DNMBP: variants seen among roughly 807,000 people sequenced by gnomAD.
DNMBP encodes dynamin binding protein, also known as dynamin-binding protein.
Under a neutral mutation model 150.0 loss-of-function variants are expected in DNMBP, and 87 were observed. The observed-to-expected ratio is 0.58, with a 90% CI of 0.49 to 0.69. The LOEUF is 0.69. Ranked by LOEUF, DNMBP falls within the 30% of genes least tolerant of loss-of-function variation. The pLI, the probability that DNMBP is intolerant of heterozygous loss-of-function variation, is 0.00. For missense variants in DNMBP, 1,774 were observed against 1,949.0 expected, an observed-to-expected ratio of 0.91 and a Z score of 1.69; for synonymous variants, 711 against 750.4, an observed-to-expected ratio of 0.95 and a Z score of 0.86.
At position 99,990,822 on chromosome 10, in the gene DNMBP, T is replaced by TAC. The variant is rs1491098358; in HGVS notation, c.-10-18690_-10-18689dup. On this transcript the variant is annotated intron_variant, in intron 1 of 16. Coordinates refer to ENST00000324109, the MANE Select transcript of DNMBP (RefSeq NM_015221.4). ...ACACATATATACACATATATATATA[T>TAC]ACACATATACATATACACACACACA... Among the ~76,000 whole-genome samples the TAC allele has an allele frequency of 2.8e-4, 33 of 119,324 alleles. 1 individual carries two copies. The highest frequency in any genetic ancestry group is 4.9e-4 in the East Asian group (2 of 4,062). 78.3% of individuals were successfully genotyped at this position (119,324 alleles called of 152,430 possible).
chr10:99,891,388 C>G (rs916924361), intron 11 of DNMBP, among the ~76,000 whole-genome samples: 1 of 151,484 alleles, frequency 6.6e-6, no homozygotes, highest in Admixed American at 6.6e-5. Flanking sequence ...TTGGCCAGGC[C>G]GGTCTCCAGC....
At chr10:99,965,690 T>C (rs1319280430) in intron 3 of DNMBP, among the ~76,000 whole-genome samples, 2 of 151,988 alleles carry the variant, frequency 1.3e-5, no homozygotes, top group Non-Finnish European at 2.9e-5. Flanking sequence ...AAAGATGGGG[T>C]TTCACCATGT....
intron 4 of DNMBP, among the ~76,000 whole-genome samples, chr10:99,941,556 C>T (rs1033222609): frequency 4.6e-5 from 7 of 152,002 alleles, no homozygotes; most frequent in Non-Finnish European, 7.4e-5. Context: ...GCAACCTCCA[C>T]CTCCCAGATT....
At chr10:99,966,592 A>G (rs1463838015) in intron 3 of DNMBP, among the ~76,000 whole-genome samples, 2 of 152,196 alleles carry the variant, frequency 1.3e-5, no homozygotes, top group Non-Finnish European at 2.9e-5. Context: ...GATATGGACT[A>G]CAGACTCCAC....
intron 1 of DNMBP, among the ~76,000 whole-genome samples, chr10:99,995,837 T>C (rs1234492284): frequency 6.6e-6 from 1 of 152,270 alleles, no homozygotes; most frequent in Non-Finnish European, 1.5e-5. Flanking sequence ...AATAAACACG[T>C]CTGTCTTCAA....
Position 99,970,478 on chromosome 10 carries a change from T to C in DNMBP, c.146-1241A>G, listed in dbSNP as rs115551168. Among the ~76,000 whole-genome samples the C allele has an allele frequency of 8.5e-3, 1,288 of 152,242 alleles. 18 individuals are homozygous for C. Among genetic ancestry groups the C allele is most frequent in the Middle Eastern group, 0.044 (13 of 294 alleles). ...TAGGGTAAGGGATAACTTTAATAAA[T>C]TTGGGCCAGCCATGGATCCAAGAAG... On this transcript the variant is annotated intron_variant, in intron 2 of 16. Coordinates refer to ENST00000324109, the MANE Select transcript of DNMBP (RefSeq NM_015221.4).
intron 1 of DNMBP, among the ~76,000 whole-genome samples, chr10:99,978,537 CATAT>C (rs765561641): frequency 6.6e-6 from 1 of 152,148 alleles, no homozygotes; most frequent in Admixed American, 6.5e-5. Flanking sequence ...CAAACTCTGA[CATAT>C]ATATCTTAAC....
chr10:99,913,753 C>T lies in DNMBP; in HGVS notation c.2261-4607G>A, dbSNP rs11190318. Reference sequence around the variant, plus strand: ...TCGAAGGAAGGGAGTCATTAGCCCACGGCTTCCCACAACTCCATCACACAC... The same window carrying T: ...TCGAAGGAAGGGAGTCATTAGCCCATGGCTTCCCACAACTCCATCACACAC... On this transcript the variant is annotated intron_variant, in intron 4 of 16. Coordinates refer to ENST00000324109, the MANE Select transcript of DNMBP (RefSeq NM_015221.4). Among the ~76,000 whole-genome samples the T allele has an allele frequency of 4.3e-3, 662 of 152,290 alleles. 7 individuals are homozygous for T. The highest frequency in any genetic ancestry group is 0.015 in the African/African-American group (620 of 41,544).
intron 4 of DNMBP, among the ~76,000 whole-genome samples, chr10:99,914,681 CACA>C (rs960844277): frequency 6.6e-6 from 1 of 152,048 alleles, no homozygotes; most frequent in African/African-American, 2.4e-5. Flanking sequence ...AAGAAAGGCA[CACA>C]ACAATATGCC....
chr10:99,969,147 G>A lies in DNMBP; in HGVS notation c.236C>T (p.Ser79Phe). 1 of 1,614,070 alleles carries A rather than the reference G, an allele frequency of 6.2e-7. No individual in the cohort carries two copies. The highest frequency in any genetic ancestry group is 8.5e-7 in the Non-Finnish European group (1 of 1,179,982). Residue 79 changes from serine (S) to phenylalanine (F), a missense_variant, in exon 3 of 17, where the codon TCC becomes TTC. Ser to Phe is a radical substitution (Grantham distance 155). This residue lies in a region of DNMBP where 344 missense variants were observed against 456.6 expected (regional missense o/e 0.75). Coordinates refer to ENST00000324109, the MANE Select transcript of DNMBP (RefSeq NM_015221.4). ...RLFVCICEFT[S>F]QELDNLPLHR... ...GAGGGGAAGATTATCCAACTCTTGG[G>A]ATGTGAATTCACAAATGCACACAAA...
chr10:99,949,115 A>G (rs773141362), intron 4 of DNMBP, among the ~76,000 whole-genome samples: 4 of 152,172 alleles, frequency 2.6e-5, no homozygotes, highest in East Asian at 1.9e-4. Flanking sequence ...ACTGATTCCC[A>G]GGTCCCAAGT....
chr10:99,889,017 T>C (rs1010873984), intron 11 of DNMBP, 64 bp from the exon 12 acceptor site: 51 of 1,575,750 alleles, frequency 3.2e-5, no homozygotes, highest in Non-Finnish European at 4.3e-5. Context: ...TGTCATACAT[T>C]CCAAGACTGA....
intron 11 of DNMBP, among the ~76,000 whole-genome samples, chr10:99,890,725 C>A (rs2039543733): frequency 6.6e-6 from 1 of 152,204 alleles, no homozygotes; most frequent in Admixed American, 6.5e-5. Flanking sequence ...CAGCTCACTG[C>A]AACCTCCACC....
intron 16 of DNMBP, among the ~76,000 whole-genome samples, chr10:99,877,957 T>A (rs183185647): frequency 1.3e-5 from 2 of 152,090 alleles, no homozygotes; most frequent in Admixed American, 6.5e-5. Flanking sequence ...ACCCCATTTC[T>A]ACCAAAAACA....
At chr10:99,941,134 C>T (rs548196965) in intron 4 of DNMBP, among the ~76,000 whole-genome samples, 4 of 152,266 alleles carry the variant, frequency 2.6e-5, no homozygotes. Flanking sequence ...CTCCGCCCGC[C>T]TCGGCTTCCC....
chr10:99,913,858 G>A, intron 4 of DNMBP: 3 of 1,232,364 alleles, frequency 2.4e-6, no homozygotes, highest in Non-Finnish European at 3.1e-6. Context: ...GGAAAATTTT[G>A]AGCTCCCGGC....
chr10:99,897,477 G>C (rs2039672342), intron 9 of DNMBP, among the ~76,000 whole-genome samples: 1 of 152,186 alleles, frequency 6.6e-6, no homozygotes, highest in Non-Finnish European at 1.5e-5. Context: ...CCATAAATGA[G>C]GTGAGGAGGA....
At chr10:99,943,644 C>A (rs988534442) in intron 4 of DNMBP, among the ~76,000 whole-genome samples, 1 of 152,170 alleles carries the variant, frequency 6.6e-6, no homozygotes, top group Admixed American at 6.5e-5. Flanking sequence ...CTACCTTGGT[C>A]TCCCAAAGGG....
At chr10:99,929,736 A>G (rs771311144) in intron 4 of DNMBP, 12 of 702,730 alleles carry the variant, frequency 1.7e-5, no homozygotes, top group African/African-American at 1.0e-4. Flanking sequence ...TAAATGCCAG[A>G]TGTTCTTCTC....
Sources: gnomAD v4.1 joint callset for allele counts (sites outside exome capture counted in the v4.1 genomes callset) on GRCh38, gnomAD v4.1.1 for gene constraint, gnomAD v4.1.1 regional missense constraint, MANE v1.5 for transcripts, NCBI Gene and HGNC (gene_info 2026-07-23, HGNC 2026-07-21) for gene names.